ACOXL: variants seen among roughly 807,000 people sequenced by gnomAD.
ACOXL encodes acyl-CoA oxidase like, also known as acyl-coenzyme A oxidase-like protein.
In ACOXL, 70 loss-of-function variants were observed where a neutral mutation model predicts 71.9. The observed-to-expected ratio is 0.97, with a 90% CI of 0.80 to 1.19. The LOEUF (loss-of-function observed/expected upper bound fraction) is 1.19, where lower values mean the gene tolerates loss of function less well. ACOXL is among the 50% of genes most tolerant of loss of function. The pLI, the probability that ACOXL is intolerant of heterozygous loss-of-function variation, is 0.00. For synonymous variants in ACOXL, 253 were observed against 281.6 expected (o/e 0.90, Z 1.02); for missense variants, 703 against 736.3 (o/e 0.95, Z 0.52).
intron 11 of ACOXL, among the ~76,000 whole-genome samples, chr2:110,915,718 G>C (rs1161665401): frequency 6.6e-6 from 1 of 151,792 alleles, no homozygotes; most frequent in African/African-American, 2.4e-5. Context: ...GTGAGCCACT[G>C]TACCTGGCCA....
rs77093566 is a variant in ACOXL, at chr2:110,982,323, T to C, written c.1060-4785T>C. Among the ~76,000 whole-genome samples, 7 of 152,246 alleles carry C rather than the reference T, an allele frequency of 4.6e-5. No individual in the cohort carries two copies. In the East Asian group the frequency reaches 1.4e-3, roughly 29 times the overall value. ...TTACTTGTTGGTTTCTGTGCTAAAGTAGTCCTTCCGCTTCCCTTTGCCCTT... is the reference window on the plus strand; with the variant it reads ...TTACTTGTTGGTTTCTGTGCTAAAGCAGTCCTTCCGCTTCCCTTTGCCCTT... On this transcript the variant is annotated intron_variant, in intron 12 of 17. Coordinates refer to ENST00000439055, the MANE Select transcript of ACOXL (RefSeq NM_001142807.4).
chr2:111,118,156 G>C lies in ACOXL; in HGVS notation c.*340G>C. 2.3e-6 allele frequency: 1 copy of C among 434,554 alleles called. No individual in the cohort carries two copies. The highest frequency in any genetic ancestry group is 4.1e-6 in the Non-Finnish European group (1 of 241,674). 26.9% of individuals were successfully genotyped at this position (434,554 alleles called of 1,614,324 possible). A position where few individuals can be genotyped will look rare whatever the true frequency, so the allele number is the denominator to read the frequency against. On this transcript the variant is annotated 3_prime_UTR_variant, in exon 18 of 18. Transcript: ENST00000439055. ...CGCCCCACAGCCGGGTGCCGCCAAA[G>C]GTCTCCTGCTGTTAGCGGTGACTCA...
intron 2 of ACOXL, among the ~76,000 whole-genome samples, chr2:110,778,928 A>G (rs1483644129): frequency 6.6e-6 from 1 of 152,232 alleles, no homozygotes; most frequent in African/African-American, 2.4e-5. Flanking sequence ...TCAAGCTGGT[A>G]ATGTCAATAA....
At chr2:111,080,172 C>T (rs778510417) in intron 16 of ACOXL, among the ~76,000 whole-genome samples, 3 of 148,482 alleles carry the variant, frequency 2.0e-5, no homozygotes, top group Non-Finnish European at 4.5e-5. Context: ...AAAACCAGCT[C>T]CTGGATTCAT....
At chr2:110,967,265 A>G (rs2061973874) in intron 12 of ACOXL, among the ~76,000 whole-genome samples, 1 of 152,232 alleles carries the variant, frequency 6.6e-6, no homozygotes, top group Non-Finnish European at 1.5e-5. Flanking sequence ...TTGCAGTCTG[A>G]CCCCAATAAT....
rs1261368788 is a variant in ACOXL, at chr2:110,963,738, G to A, written c.1060-23370G>A. The A allele has an allele frequency of 3.7e-6, 6 of 1,612,946 alleles. No individual in the cohort carries two copies. In the Admixed American group the frequency reaches 1.0e-4, roughly 27 times the overall value. ...GGTAAGATTCGGGAAATGTTTTCAAGATCAAGAGTTATCCAGAAGTCTGAA... is the reference window on the plus strand; with the variant it reads ...GGTAAGATTCGGGAAATGTTTTCAAAATCAAGAGTTATCCAGAAGTCTGAA... On this transcript the variant is annotated intron_variant, in intron 12 of 17. Coordinates refer to ENST00000439055, the MANE Select transcript of ACOXL (RefSeq NM_001142807.4).
intron 15 of ACOXL, among the ~76,000 whole-genome samples, chr2:111,034,922 C>CT (rs10707310): frequency 0.12 from 16,728 of 144,060 alleles, 1,045 homozygotes; most frequent in East Asian, 0.23. Flanking sequence ...AAAGCACAGT[C>CT]TTTTTTTTTT....
chr2:110,834,854 C>A (rs749671602), intron 9 of ACOXL, among the ~76,000 whole-genome samples: 2 of 152,216 alleles, frequency 1.3e-5, no homozygotes, highest in African/African-American at 4.8e-5. Context: ...TCAGGACTCA[C>A]AACTTTTCAA....
At chr2:110,796,987 T>C (rs1336885585) in intron 5 of ACOXL, among the ~76,000 whole-genome samples, 4 of 152,234 alleles carry the variant, frequency 2.6e-5, no homozygotes, top group Admixed American at 2.0e-4. Flanking sequence ...TCTTCAATAC[T>C]GTCAACTCCA....
At chr2:111,051,056 C>G (rs2066266840) in intron 16 of ACOXL, among the ~76,000 whole-genome samples, 1 of 152,178 alleles carries the variant, frequency 6.6e-6, no homozygotes, top group Non-Finnish European at 1.5e-5. Flanking sequence ...TTGGTTTCTG[C>G]AGACTGTGTG....
intron 1 of ACOXL, among the ~76,000 whole-genome samples, chr2:110,767,857 G>A (rs1369097514): frequency 4.6e-5 from 7 of 151,992 alleles, no homozygotes; most frequent in East Asian, 1.9e-4. Context: ...AGGCCAAGGC[G>A]GGTGGATCAC....
At chr2:110,794,719 A>C (rs1685075346) in intron 5 of ACOXL, among the ~76,000 whole-genome samples, 1 of 152,012 alleles carries the variant, frequency 6.6e-6, no homozygotes, top group Non-Finnish European at 1.5e-5. Context: ...CCTTTACTCT[A>C]TATGGTCAAT....
chr2:111,041,654 C>T (rs146353936), intron 15 of ACOXL, among the ~76,000 whole-genome samples: 1 of 152,188 alleles, frequency 6.6e-6, no homozygotes, highest in African/African-American at 2.4e-5. Context: ...CAGGAAGCAG[C>T]CTTTGGCCAT....
intron 11 of ACOXL, among the ~76,000 whole-genome samples, chr2:110,910,735 A>G (rs1193007490): frequency 2.6e-5 from 4 of 152,154 alleles, no homozygotes; most frequent in African/African-American, 9.7e-5. Context: ...CACATTGGCC[A>G]TTGTATATCT....
chr2:110,807,778 A>C (rs568169254), intron 9 of ACOXL, among the ~76,000 whole-genome samples: 1 of 152,190 alleles, frequency 6.6e-6, no homozygotes, highest in African/African-American at 2.4e-5. Context: ...AACACATGAC[A>C]TATGTTTTCC....
intron 11 of ACOXL, among the ~76,000 whole-genome samples, chr2:110,920,483 C>T (rs1173153595): frequency 6.6e-6 from 1 of 152,026 alleles, no homozygotes; most frequent in Admixed American, 6.6e-5. Context: ...AGACTTTTTG[C>T]ATCATATTTT....
chr2:111,074,362 C>G (rs908454320), intron 16 of ACOXL, among the ~76,000 whole-genome samples: 1 of 151,854 alleles, frequency 6.6e-6, no homozygotes. Flanking sequence ...AAGTGTTCAG[C>G]CTTTTGCAAC....
intron 9 of ACOXL, among the ~76,000 whole-genome samples, chr2:110,833,587 G>A (rs896332321): frequency 6.6e-6 from 1 of 152,066 alleles, no homozygotes; most frequent in African/African-American, 2.4e-5. Context: ...AAGGGTACCC[G>A]GGATCTCTCT....
chr2:110,816,739 C>T (rs546695258), intron 9 of ACOXL, among the ~76,000 whole-genome samples: 44 of 152,176 alleles, frequency 2.9e-4, no homozygotes, highest in Non-Finnish European at 5.1e-4. Context: ...AGAGAGCAGC[C>T]GTGGCCTAAA....
Sources: allele counts gnomAD v4.1 joint callset (sites outside exome capture counted in the v4.1 genomes callset), GRCh38; gene constraint gnomAD v4.1.1; transcripts MANE v1.5; gene names NCBI Gene and HGNC (gene_info 2026-07-23, HGNC 2026-07-21).